Variants in C10orf90 observed in about 807,000 individuals in gnomAD.
The protein encoded by C10orf90 is chromosome 10 open reading frame 90, also known as (E2-independent) E3 ubiquitin-conjugating enzyme FATS.
Under a neutral mutation model 62.5 loss-of-function variants are expected in C10orf90, and 56 were observed. That is an observed-to-expected ratio of 0.90 (90% confidence interval 0.72 to 1.12). C10orf90 has a LOEUF of 1.12. Among genes scored for constraint, C10orf90 ranks in the 50% most tolerant of loss-of-function variants. C10orf90 has a pLI of 0.00. For missense variants in C10orf90, 970 were observed against 880.4 expected, an observed-to-expected ratio of 1.10 and a Z score of -1.29; for synonymous variants, 386 against 340.4, an observed-to-expected ratio of 1.13 and a Z score of -1.47.
intron 2 of C10orf90, among the ~76,000 whole-genome samples, chr10:126,532,560 G>T (rs888815704): frequency 1.3e-5 from 2 of 151,872 alleles, no homozygotes; most frequent in Non-Finnish European, 1.5e-5. Flanking sequence ...GCACATGGCC[G>T]GGCGCGGTGG....
At chr10:126,553,047 G>C (rs536731567) in intron 2 of C10orf90, among the ~76,000 whole-genome samples, 1 of 152,132 alleles carries the variant, frequency 6.6e-6, no homozygotes, top group Admixed American at 6.5e-5. Flanking sequence ...ACTAAGAAAG[G>C]TCAAACCAAA....
intron 2 of C10orf90, among the ~76,000 whole-genome samples, chr10:126,585,010 G>A (rs529634469): frequency 4.9e-4 from 75 of 152,150 alleles, no homozygotes; most frequent in African/African-American, 1.8e-3. Context: ...CTAAGCAGGA[G>A]AGCTACCGTG....
rs139263254 is a variant in C10orf90, at chr10:126,663,705, T to A, written c.240+6536A>T. On this transcript the variant is annotated intron_variant, in intron 1 of 9. Coordinates refer to ENST00000488181, the MANE Select transcript of C10orf90 (RefSeq NM_001350921.2). Reference sequence around the variant, plus strand: ...CAATTCAGCTGGCTTTTTTGTGACTTCCTTTGGGGTTCATGCGGTTGGAAA... The same window carrying A: ...CAATTCAGCTGGCTTTTTTGTGACTACCTTTGGGGTTCATGCGGTTGGAAA... 2.3e-3 allele frequency among the ~76,000 whole-genome samples: 346 copies of A among 152,248 alleles called. 2 individuals carry two copies. The highest frequency in any genetic ancestry group is 7.9e-3 in the African/African-American group (327 of 41,552).
chr10:126,544,620 T>C (rs1864450134), intron 2 of C10orf90, among the ~76,000 whole-genome samples: 1 of 151,988 alleles, frequency 6.6e-6, no homozygotes, highest in Admixed American at 6.6e-5. Context: ...GTGGAGATTT[T>C]AGAAAGATTA....
chr10:126,646,257 A>G (rs576662965), intron 2 of C10orf90, among the ~76,000 whole-genome samples: 1 of 152,324 alleles, frequency 6.6e-6, no homozygotes, highest in East Asian at 1.9e-4. Flanking sequence ...CCCATTACTC[A>G]TCCCTGATGG....
At chr10:126,446,180 A>G (rs1291027645) in intron 7 of C10orf90, among the ~76,000 whole-genome samples, 1 of 151,998 alleles carries the variant, frequency 6.6e-6, no homozygotes. Context: ...TTTTTAAAGA[A>G]GTTTAAGAAG....
At chr10:126,494,701 A>G (rs879416434) in intron 4 of C10orf90, among the ~76,000 whole-genome samples, 10 of 152,130 alleles carry the variant, frequency 6.6e-5, no homozygotes, top group Non-Finnish European at 1.0e-4. Context: ...GAAAAACTTT[A>G]ACTTCCGATT....
At chr10:126,450,226 C>A (rs1859087527) in intron 7 of C10orf90, among the ~76,000 whole-genome samples, 1 of 152,066 alleles carries the variant, frequency 6.6e-6, no homozygotes, top group Admixed American at 6.6e-5. Flanking sequence ...AAAAGATATT[C>A]CATGCTCACA....
In C10orf90 at chr10:126,504,678, G is replaced by C; in HGVS notation, c.813C>G (p.Phe271Leu). The C allele has an allele frequency of 1.2e-6, 2 of 1,614,086 alleles. No homozygotes were observed. Among genetic ancestry groups the C allele is most frequent in the South Asian group, 2.2e-5 (2 of 91,078 alleles). The change falls in exon 4 of 10, where the codon TTC becomes TTG. Residue 271 changes from phenylalanine (F) to leucine (L), a missense_variant. Phe to Leu is a conservative substitution (Grantham distance 22). Transcript: ENST00000488181. This position sits in a 1 kb window ranked among gnomAD's most constrained non-coding sequence, Gnocchi z 4.1. ...CPKCRAEDTL[F>L]QAPPALANGA... Reference sequence around the variant, plus strand: ...CATTGGCCAGAGCCGGGGGCGCCTGGAACAGTGTGTCCTCAGCCCTGCACT... The same window carrying C: ...CATTGGCCAGAGCCGGGGGCGCCTGCAACAGTGTGTCCTCAGCCCTGCACT...
intron 2 of C10orf90, chr10:126,523,056 C>T (rs900935279): frequency 2.0e-5 from 3 of 152,240 alleles, no homozygotes; most frequent in African/African-American, 7.2e-5. Flanking sequence ...CAGTTTTACA[C>T]ATAGTTTCCA....
chr10:126,426,168 G>T, intron 8 of C10orf90, 78 bp from the exon 9 acceptor site: 2 of 1,152,050 alleles, frequency 1.7e-6, no homozygotes, highest in African/African-American at 1.5e-5. Context: ...CTGTCTTGAC[G>T]GCAGGCTCTT....
At chr10:126,471,828 A>G (rs1367680881) in intron 4 of C10orf90, among the ~76,000 whole-genome samples, 1 of 152,196 alleles carries the variant, frequency 6.6e-6, no homozygotes, top group Admixed American at 6.5e-5. Context: ...GTTATTAGCT[A>G]GTTATGATTA....
intron 2 of C10orf90, among the ~76,000 whole-genome samples, chr10:126,532,626 A>G (rs1256960271): frequency 6.6e-6 from 1 of 151,648 alleles, no homozygotes; most frequent in African/African-American, 2.4e-5. Flanking sequence ...TCACGAGGTC[A>G]GGAAATCGAG....
chr10:126,475,290 G>A (rs1590971020), intron 4 of C10orf90, among the ~76,000 whole-genome samples: 1 of 152,158 alleles, frequency 6.6e-6, no homozygotes, highest in Non-Finnish European at 1.5e-5. Context: ...CAGTGAGTGA[G>A]GGCTCATGGA....
intron 7 of C10orf90, among the ~76,000 whole-genome samples, chr10:126,434,712 CCAA>C: frequency 6.6e-6 from 1 of 152,266 alleles, no homozygotes; most frequent in Middle Eastern, 3.4e-3. Context: ...AAGGGAACCC[CCAA>C]CATGTGTGAA....
At chr10:126,639,011 T>G (rs769867239) in intron 2 of C10orf90, among the ~76,000 whole-genome samples, 1 of 152,316 alleles carries the variant, frequency 6.6e-6, no homozygotes, top group Middle Eastern at 3.4e-3. Flanking sequence ...GCTGAGTAAC[T>G]CTTAGACATG....
At chr10:126,551,824 C>A (rs1864639798) in intron 2 of C10orf90, among the ~76,000 whole-genome samples, 1 of 152,174 alleles carries the variant, frequency 6.6e-6, no homozygotes, top group Admixed American at 6.5e-5. Flanking sequence ...AAAAGGCCTG[C>A]AGAATAACAA....
At position 126,569,600 on chromosome 10, in the gene C10orf90, C is replaced by T. The variant is rs149983453; in HGVS notation, c.314-55661G>A. ...ACATTTTTGTAAAGAGATGAGAAAA[C>T]GAAAAATTAGAAGCAGAAGCCAGGG... On this transcript the variant is annotated intron_variant, in intron 2 of 9. Transcript: ENST00000488181. 8.4e-3 allele frequency among the ~76,000 whole-genome samples: 1,279 copies of T among 152,096 alleles called. 16 individuals carry two copies. Among genetic ancestry groups the T allele is most frequent in the African/African-American group, 0.029 (1,198 of 41,468 alleles).
At chr10:126,665,126 A>G (rs1846600531) in intron 1 of C10orf90, among the ~76,000 whole-genome samples, 1 of 152,166 alleles carries the variant, frequency 6.6e-6, no homozygotes, top group South Asian at 2.1e-4. Context: ...GGCAGAGCTC[A>G]TGGAAGTCTT....
Sources: allele counts gnomAD v4.1 joint callset (sites outside exome capture counted in the v4.1 genomes callset), GRCh38; gene constraint gnomAD v4.1.1; non-coding constraint Gnocchi (gnomAD v3.1); transcripts MANE v1.5; gene names NCBI Gene and HGNC (gene_info 2026-07-23, HGNC 2026-07-21).